LIFR: variants seen among roughly 807,000 people sequenced by gnomAD.
LIFR encodes LIF receptor subunit alpha.
LIFR carries 84 observed loss-of-function variants against 122.2 expected under a neutral mutation model. That is an observed-to-expected ratio of 0.69 (90% CI 0.58 to 0.82). LIFR has a LOEUF of 0.82. Among genes scored for constraint, LIFR ranks in the 40% least tolerant of loss-of-function variants. LIFR has a pLI of 0.00. For synonymous variants in LIFR, 422 were observed against 434.7 expected, an observed-to-expected ratio of 0.97 and a Z score of 0.36; for missense variants, 1,294 against 1,311.6, an observed-to-expected ratio of 0.99 and a Z score of 0.21.
intron 1 of LIFR, among the ~76,000 whole-genome samples, chr5:38,533,573 C>T (rs1336006733): frequency 6.6e-6 from 1 of 152,114 alleles, no homozygotes; most frequent in Non-Finnish European, 1.5e-5. Context: ...GGCTTTTCTG[C>T]CGAAGAAAAT....
chr5:38,481,577 A>T lies in LIFR; in HGVS notation c.*18T>A. 6.2e-7 allele frequency: 1 copy of T among 1,614,040 alleles called. No homozygotes were observed. The highest frequency in any genetic ancestry group is 8.5e-7 in the Non-Finnish European group (1 of 1,179,868). ...AGAGCTTATTGAGATGGCTGACTGA[A>T]GTGACACGGTGACACTGTTAATCGT... On this transcript the variant is annotated 3_prime_UTR_variant, in exon 20 of 20. Coordinates refer to ENST00000453190, the MANE Select transcript of LIFR (RefSeq NM_001127671.2).
upstream of LIFR, among the ~76,000 whole-genome samples, chr5:38,597,521 T>C (rs1750131203): frequency 6.6e-6 from 1 of 152,166 alleles, no homozygotes; most frequent in African/African-American, 2.4e-5. Flanking sequence ...ACCAAAGTAG[T>C]GGGCCTCAAT....
chr5:38,596,253 A>G (rs1750095701), upstream of LIFR, among the ~76,000 whole-genome samples: 1 of 152,218 alleles, frequency 6.6e-6, no homozygotes, highest in Admixed American at 6.5e-5. Context: ...CTTATTAGCA[A>G]TGCAAACTTT....
rs184368133 is a variant in LIFR at position 38,588,315 on chromosome 5, T to C, written c.-20+6946A>G. ...GCTACACAGTCAAGCAGGTTTTCTC[T>C]GATCAGGTGCTCAGTCTGAAAAGGA... is the stretch of plus-strand genomic sequence containing the variant. On this transcript the variant is annotated intron_variant, in intron 1 of 19. Coordinates refer to the LIFR transcript ENST00000263409. Among the ~76,000 whole-genome samples the C allele has an allele frequency of 1.4e-3, 216 of 152,238 alleles. 6 individuals are homozygous for C. The highest frequency in any genetic ancestry group is 0.012 in the Admixed American group (178 of 15,286).
intron 1 of LIFR, among the ~76,000 whole-genome samples, chr5:38,540,633 A>G (rs1260660354): frequency 1.3e-5 from 2 of 152,138 alleles, no homozygotes; most frequent in Non-Finnish European, 2.9e-5. Flanking sequence ...TCTGTATTAC[A>G]CCACAGAGGA....
At chr5:38,522,924 G>T (rs1746478455) in intron 5 of LIFR, among the ~76,000 whole-genome samples, 1 of 151,970 alleles carries the variant, frequency 6.6e-6, no homozygotes, top group African/African-American at 2.4e-5. Context: ...CATAAATGTT[G>T]TTCATTACTC....
chr5:38,489,139 T>A lies in LIFR; in HGVS notation c.2274A>T (p.Gly758=). 2 of 1,613,048 alleles carry A rather than the reference T, an allele frequency of 1.2e-6. No individual in the cohort carries two copies. Among genetic ancestry groups the A allele is most frequent in the Admixed American group, 1.7e-5 (1 of 60,020 alleles). The part of the protein sequence containing the change: ...PVEELRGFLR[G]YLFYFGKGER... ...CTCCTTTTCCAAAGTAAAACAAATA[T>A]CCTCTTAAAAAGCCTCTAAGTTCTT... The change falls in exon 16 of 20, where the codon GGA becomes GGT. Residue 758 remains glycine, a synonymous_variant. Transcript: ENST00000453190.
At chr5:38,606,800 T>C (rs986838135) in intron 1 of LIFR, among the ~76,000 whole-genome samples, 8 of 152,130 alleles carry the variant, frequency 5.3e-5, no homozygotes, top group African/African-American at 1.4e-4. Context: ...TTCTTTTTTT[T>C]CCCCCATGGG....
At chr5:38,544,656 T>C (rs1158230854) in intron 1 of LIFR, among the ~76,000 whole-genome samples, 1 of 152,160 alleles carries the variant, frequency 6.6e-6, no homozygotes, top group Non-Finnish European at 1.5e-5. Flanking sequence ...AGCGTACACA[T>C]CAATACCTAG....
chr5:38,555,909 T>G (rs1482865242), intron 1 of LIFR, among the ~76,000 whole-genome samples: 2 of 152,078 alleles, frequency 1.3e-5, no homozygotes, highest in Non-Finnish European at 2.9e-5. Flanking sequence ...TACACCACCT[T>G]CGGAAGTTAG....
intron 1 of LIFR, among the ~76,000 whole-genome samples, chr5:38,563,629 C>T (rs998791352): frequency 2.6e-5 from 4 of 152,140 alleles, no homozygotes; most frequent in Non-Finnish European, 5.9e-5. Context: ...CACTAGAAAA[C>T]ATTGAACATT....
intron 2 of LIFR, among the ~76,000 whole-genome samples, chr5:38,605,440 C>T (rs958293303): frequency 3.9e-5 from 6 of 152,126 alleles, no homozygotes; most frequent in Non-Finnish European, 7.3e-5. Context: ...GGGTGATAAT[C>T]ACAGTACCCC....
chr5:38,546,125 TTTAA>T (rs1188850699), intron 1 of LIFR, among the ~76,000 whole-genome samples: 18 of 152,296 alleles, frequency 1.2e-4, no homozygotes, highest in Admixed American at 2.6e-4. Context: ...TTACTGTAAC[TTTAA>T]TTACGAACTG....
At chr5:38,565,835 C>T (rs1014561476) in intron 1 of LIFR, among the ~76,000 whole-genome samples, 10 of 152,112 alleles carry the variant, frequency 6.6e-5, no homozygotes, top group African/African-American at 2.2e-4. Context: ...CCCCACACCT[C>T]GGCATCCCAA....
intron 16 of LIFR, 85 bp downstream of exon 16, chr5:38,488,993 A>G (rs1744430351): frequency 2.7e-6 from 3 of 1,105,706 alleles, no homozygotes; most frequent in Non-Finnish European, 4.1e-6. Flanking sequence ...GTACTAAACT[A>G]CTGAGCAGGA....
chr5:38,546,565 ACATGTGTTCT>A (rs1052541722), intron 1 of LIFR, among the ~76,000 whole-genome samples: 5 of 152,212 alleles, frequency 3.3e-5, no homozygotes, highest in African/African-American at 1.2e-4. Flanking sequence ...CTTCCTAAGA[ACATGTGTTCT>A]GGAGTTTTTC....
rs77174713 is a variant in LIFR, at chr5:38,582,063, T to C, written c.-20+13198A>G. ...TGACCACTTCTTTTTTTTTCCTTTT[T>C]TTTTTTTCTTTTTTTAGAGATGGTG... On this transcript the variant is annotated intron_variant, in intron 1 of 19. Transcript: ENST00000263409. Among the ~76,000 whole-genome samples, 1,272 of 151,668 alleles carry C rather than the reference T, an allele frequency of 8.4e-3. 23 individuals carry two copies. Among genetic ancestry groups the C allele is most frequent in the East Asian group, 0.041 (209 of 5,152 alleles).
rs536207682 is a variant in LIFR, at chr5:38,475,854, G to C, written c.*5741C>G. 1 of 189,292 alleles carries C rather than the reference G, an allele frequency of 5.3e-6. No individual in the cohort carries two copies. The highest frequency in any genetic ancestry group is 6.2e-5 in the Admixed American group (1 of 16,224). 11.7% of individuals were successfully genotyped at this position (189,292 alleles called of 1,614,324 possible). A position where few individuals can be genotyped will look rare whatever the true frequency, so the allele number is the denominator to read the frequency against. ...ATTTTACCTTTCAACATACTTTTAA[G>C]ATGGTACTATCTTAAATCTAGGATG... On this transcript the variant is annotated 3_prime_UTR_variant, in exon 20 of 20. Coordinates refer to ENST00000453190, the MANE Select transcript of LIFR (RefSeq NM_001127671.2).
At position 38,482,605 on chromosome 5, in the gene LIFR, T is replaced by G. The variant is rs1744055065; in HGVS notation, c.2654A>C (p.Gln885Pro). ...NPENCKALQF[Q>P]KSVCEGSSAL... Reference sequence around the variant, plus strand: ...AAAGATTACCTCACAGACACTCTTTTGAAACTGTAATGCTTTACAGTTTTC... The same window carrying G: ...AAAGATTACCTCACAGACACTCTTTGGAAACTGTAATGCTTTACAGTTTTC... The change falls in exon 19 of 20, where the codon CAA becomes CCA. Residue 885 changes from glutamine to proline, a missense_variant. Coordinates refer to ENST00000453190, the MANE Select transcript of LIFR (RefSeq NM_001127671.2). The G allele has an allele frequency of 6.7e-7, 1 of 1,495,040 alleles. No individual in the cohort carries two copies. The highest frequency in any genetic ancestry group is 1.9e-5 in the Admixed American group (1 of 52,238). 92.6% of individuals were successfully genotyped at this position (1,495,040 alleles called of 1,614,324 possible). A position where few individuals can be genotyped will look rare whatever the true frequency, so the allele number is the denominator to read the frequency against.
Sources: gnomAD v4.1 joint callset for allele counts (sites outside exome capture counted in the v4.1 genomes callset) on GRCh38, gnomAD v4.1.1 for gene constraint, MANE v1.5 for transcripts, NCBI Gene and HGNC (gene_info 2026-07-23, HGNC 2026-07-21) for gene names.